The following SNX7 variants were observed in gnomAD, a reference collection of about 807,000 sequenced individuals.
SNX7 encodes sorting nexin-7.
A neutral mutation model predicts 48.4 loss-of-function variants in SNX7; 35 were observed. The ratio of observed to expected loss-of-function variants is 0.72; its 90% CI spans 0.55 to 0.96. SNX7 has a LOEUF of 0.96. SNX7 is among the 40% of genes least tolerant of loss of function. The pLI, the probability that SNX7 is intolerant of heterozygous loss-of-function variation, is 0.00. For synonymous variants in SNX7, 190 were observed against 190.2 expected, an observed-to-expected ratio of 1.00 and a Z score of 0.01; for missense variants, 553 against 548.9, an observed-to-expected ratio of 1.01 and a Z score of -0.07.
At chr1:98,744,056 A>G (rs55813782) in intron 8 of SNX7, among the ~76,000 whole-genome samples, 23,515 of 152,030 alleles carry the variant, frequency 0.15, 1,902 homozygotes, top group South Asian at 0.19. Context: ...AATGAGGGGA[A>G]TAGTCTCCCT....
intron 1 of SNX7, among the ~76,000 whole-genome samples, chr1:98,668,989 A>G (rs184570041): frequency 7.1e-4 from 108 of 152,320 alleles, no homozygotes; most frequent in African/African-American, 2.4e-3. Flanking sequence ...TGGAATTTTA[A>G]CTTACTAAAT....
chr1:98,744,025 C>T (rs955969233), intron 8 of SNX7, among the ~76,000 whole-genome samples: 49 of 152,068 alleles, frequency 3.2e-4, no homozygotes, highest in African/African-American at 1.1e-3. Context: ...GATATGTGCT[C>T]ATCTGTGAGT....
chr1:98,742,229 A>G (rs898392141), intron 8 of SNX7, among the ~76,000 whole-genome samples: 9 of 152,060 alleles, frequency 5.9e-5, no homozygotes, highest in Admixed American at 5.2e-4. Context: ...GGAATTCACA[A>G]ATATTCCCAA....
chr1:98,705,820 G>T (rs1427874024), intron 7 of SNX7, among the ~76,000 whole-genome samples: 2 of 152,086 alleles, frequency 1.3e-5, no homozygotes, highest in Admixed American at 1.3e-4. Context: ...TGGATGCAGT[G>T]GGAACCTGAA....
In SNX7 at chr1:98,738,325, T is replaced by G; in HGVS notation, c.1214T>G (p.Met405Arg). The stretch of plus-strand genomic sequence containing the variant: ...GATTGGGAGAGATGGAAACAAAATA[T>G]GCAAAATGATATCAAGTTAGCATTT... ...KADWERWKQN[M>R]QNDIKLAFTD... is the part of the protein sequence containing the mutation. Residue 405 changes from methionine (M) to arginine (R), a missense_variant, in exon 8 of 9, where the codon ATG (methionine) becomes AGG (arginine). Physicochemically the swap from Met to Arg is moderately conservative, Grantham distance 91. Transcript: ENST00000306121. The G allele has an allele frequency of 6.2e-7, 1 of 1,613,594 alleles. No homozygotes were observed. Among genetic ancestry groups the G allele is most frequent in the South Asian group, 1.1e-5 (1 of 91,080 alleles).
intron 1 of SNX7, among the ~76,000 whole-genome samples, chr1:98,677,869 CG>C (rs1650254084): frequency 9.2e-6 from 1 of 108,692 alleles, no homozygotes; most frequent in Admixed American, 1.1e-4. Flanking sequence ...CAGAGCGAGA[CG>C]CTGTCTCAAA....
intron 7 of SNX7, among the ~76,000 whole-genome samples, chr1:98,731,040 T>C (rs1344551816): frequency 6.6e-6 from 1 of 151,962 alleles, no homozygotes; most frequent in Non-Finnish European, 1.5e-5. Flanking sequence ...AATACCTGGG[T>C]GATGGGTTGA....
In SNX7 at chr1:98,663,702, G is replaced by T. The variant is rs117141999; in HGVS notation, c.180+1791G>T. ...CTCCATGGCTCCAATCATTTATTGA[G>T]ATTTCTTTTCTCATTCTGAATAATG... On this transcript the variant is annotated intron_variant, in intron 1 of 8. Coordinates refer to ENST00000306121, the MANE Select transcript of SNX7 (RefSeq NM_015976.5). 4.9e-3 allele frequency among the ~76,000 whole-genome samples: 742 copies of T among 152,216 alleles called. 25 individuals carry two copies. The East Asian group carries it at 0.091, about 19-fold the overall frequency.
chr1:98,728,812 A>G, intron 7 of SNX7, among the ~76,000 whole-genome samples: 1 of 152,210 alleles, frequency 6.6e-6, no homozygotes, highest in East Asian at 1.9e-4. Flanking sequence ...TTAGAGACCT[A>G]CAAAAAGGCT....
At chr1:98,684,369 A>G (rs1183859389) in intron 1 of SNX7, among the ~76,000 whole-genome samples, 1 of 152,168 alleles carries the variant, frequency 6.6e-6, no homozygotes, top group Non-Finnish European at 1.5e-5. Context: ...GAGGCTGGGA[A>G]GTTCAAGATC....
At chr1:98,756,548 A>G (rs139545585) in intron 8 of SNX7, among the ~76,000 whole-genome samples, 1 of 148,768 alleles carries the variant, frequency 6.7e-6, no homozygotes, top group African/African-American at 2.5e-5. Context: ...TGTAGGCCCT[A>G]TGAGAATGCT....
intron 7 of SNX7, 50 bp downstream of exon 7, chr1:98,701,953 A>T: frequency 3.0e-6 from 4 of 1,326,102 alleles, no homozygotes; most frequent in Non-Finnish European, 4.3e-6. Flanking sequence ...ATTGTCTAAA[A>T]TTTTTATTAG....
At chr1:98,701,984 C>G in intron 7 of SNX7, 81 bp downstream of exon 7, 1 of 926,936 alleles carries the variant, frequency 1.1e-6, no homozygotes, top group South Asian at 1.7e-5. Flanking sequence ...ACATGATTGT[C>G]CTTACATGAT....
chr1:98,676,496 T>G (rs1172123135), intron 1 of SNX7, among the ~76,000 whole-genome samples: 1 of 152,216 alleles, frequency 6.6e-6, no homozygotes, highest in African/African-American at 2.4e-5. Context: ...ACTATTGTTA[T>G]TCTTCTTTCT....
At chr1:98,759,936 G>C in intron 8 of SNX7, 118 bp from the exon 9 acceptor site, 1 of 649,508 alleles carries the variant, frequency 1.5e-6, no homozygotes, top group Non-Finnish European at 2.8e-6. Flanking sequence ...CTGACAAGCT[G>C]ATGGGAGAGA....
At chr1:98,755,494 A>AT (rs34183970) in intron 8 of SNX7, among the ~76,000 whole-genome samples, 151,242 of 152,144 alleles carry the variant, frequency 0.99, 75,175 homozygotes, top group Middle Eastern at 1. Flanking sequence ...CTCTAGATGG[A>AT]TGGCCCTTTT....
intron 7 of SNX7, among the ~76,000 whole-genome samples, chr1:98,732,599 A>T (rs553265352): frequency 9.9e-5 from 15 of 152,178 alleles, no homozygotes; most frequent in African/African-American, 3.1e-4. Context: ...TTTCAGCTTA[A>T]TTTTTTTCCT....
At chr1:98,667,520 G>A (rs1247585493) in intron 1 of SNX7, among the ~76,000 whole-genome samples, 2 of 151,946 alleles carry the variant, frequency 1.3e-5, no homozygotes, top group Non-Finnish European at 2.9e-5. Context: ...GGGACTACAG[G>A]TGCACACTGC....
chr1:98,699,041 A>G, intron 6 of SNX7, 136 bp downstream of exon 6: 1 of 727,572 alleles, frequency 1.4e-6, no homozygotes, highest in Non-Finnish European at 2.3e-6. Context: ...TGTTCAATAA[A>G]TATTTATTCA....
Sources: allele counts gnomAD v4.1 joint callset (sites outside exome capture counted in the v4.1 genomes callset), GRCh38; gene constraint gnomAD v4.1.1; transcripts MANE v1.5; gene names NCBI Gene and HGNC (gene_info 2026-07-23, HGNC 2026-07-21).